The following BANK1 variants were observed in gnomAD, a reference collection of about 807,000 sequenced individuals.
BANK1 encodes B cell scaffold protein with ankyrin repeats 1, also known as B-cell scaffold protein with ankyrin repeats.
A neutral mutation model predicts 94.5 loss-of-function variants in BANK1; 95 were observed. The ratio of observed to expected loss-of-function variants is 1.00; its 90% CI spans 0.85 to 1.19. The LOEUF (loss-of-function observed/expected upper bound fraction) is 1.19. Among genes scored for constraint, BANK1 ranks in the 50% most tolerant of loss-of-function variants. The pLI is 0.00. For missense variants in BANK1, 987 were observed against 932.2 expected, an observed-to-expected ratio of 1.06 and a Z score of -0.77; for synonymous variants, 334 against 308.4, an observed-to-expected ratio of 1.08 and a Z score of -0.87.
intron 7 of BANK1, among the ~76,000 whole-genome samples, chr4:101,920,654 G>A (rs933631226): frequency 5.3e-5 from 8 of 151,880 alleles, no homozygotes; most frequent in Non-Finnish European, 1.0e-4. Context: ...CACTTCTACT[G>A]AAGAAATATC....
intron 2 of BANK1, among the ~76,000 whole-genome samples, chr4:101,850,341 G>T (rs1050013721): frequency 6.6e-6 from 1 of 152,030 alleles, no homozygotes; most frequent in Non-Finnish European, 1.5e-5. Flanking sequence ...GTGTGATCTA[G>T]GCTCACTGCA....
intron 7 of BANK1, among the ~76,000 whole-genome samples, chr4:101,983,624 T>C (rs1725389860): frequency 6.6e-6 from 1 of 152,056 alleles, no homozygotes; most frequent in African/African-American, 2.4e-5. Context: ...TGTAGCATAG[T>C]ATTCACAGAT....
intron 11 of BANK1, among the ~76,000 whole-genome samples, chr4:102,054,153 T>A (rs1259747146): frequency 6.8e-6 from 1 of 147,702 alleles, no homozygotes; most frequent in East Asian, 2.0e-4. Context: ...TTATGAGATA[T>A]TATTTTCCTT....
At chr4:101,948,415 T>C (rs986013978) in intron 7 of BANK1, among the ~76,000 whole-genome samples, 8 of 152,150 alleles carry the variant, frequency 5.3e-5, no homozygotes, top group African/African-American at 1.2e-4. Flanking sequence ...AATTTCCTAA[T>C]TGACACTCAG....
chr4:101,856,821 A>G (rs929619864), intron 3 of BANK1, among the ~76,000 whole-genome samples: 1 of 152,178 alleles, frequency 6.6e-6, no homozygotes, highest in Non-Finnish European at 1.5e-5. Flanking sequence ...AATTTCTTTT[A>G]GGTACCCCAC....
chr4:102,066,569 A>G (rs1004550087), intron 13 of BANK1, among the ~76,000 whole-genome samples: 5 of 152,200 alleles, frequency 3.3e-5, no homozygotes, highest in African/African-American at 1.2e-4. Flanking sequence ...TAACATCTTT[A>G]AAGTCCTAAA....
At chr4:102,039,119 C>T (rs907545091) in intron 10 of BANK1, among the ~76,000 whole-genome samples, 2 of 152,146 alleles carry the variant, frequency 1.3e-5, no homozygotes, top group African/African-American at 2.4e-5. Context: ...AATGCCACAA[C>T]TCCACCTACA....
intron 5 of BANK1, among the ~76,000 whole-genome samples, chr4:101,890,465 T>C (rs1267032859): frequency 6.6e-6 from 1 of 151,594 alleles, no homozygotes; most frequent in Non-Finnish European, 1.5e-5. Flanking sequence ...TTTATTGATA[T>C]TAATATAGCC....
chr4:101,843,333 T>C (rs1727129323), intron 2 of BANK1, among the ~76,000 whole-genome samples: 1 of 152,190 alleles, frequency 6.6e-6, no homozygotes, highest in African/African-American at 2.4e-5. Context: ...TGGTGCCCCA[T>C]AGTGCCTTCT....
intron 9 of BANK1, among the ~76,000 whole-genome samples, chr4:102,029,302 G>A (rs1196204610): frequency 6.6e-6 from 1 of 151,910 alleles, no homozygotes; most frequent in Admixed American, 6.6e-5. Context: ...AACTAATGGT[G>A]CCTTTGGCTA....
At chr4:101,895,758 T>G (rs1050223164) in intron 6 of BANK1, among the ~76,000 whole-genome samples, 3 of 151,892 alleles carry the variant, frequency 2.0e-5, no homozygotes, top group Non-Finnish European at 2.9e-5. Context: ...CAAAGATAAG[T>G]AATTGATTAT....
intron 5 of BANK1, among the ~76,000 whole-genome samples, chr4:101,890,630 AATT>A (rs1336141000): frequency 2.7e-5 from 4 of 148,924 alleles, no homozygotes; most frequent in Non-Finnish European, 5.9e-5. Context: ...TAAATTTTAT[AATT>A]ATTATTATAA....
At chr4:102,026,822 CAAAAAA>C (rs74429394) in intron 9 of BANK1, among the ~76,000 whole-genome samples, 1 of 59,768 alleles carries the variant, frequency 1.7e-5, no homozygotes, top group African/African-American at 5.8e-5. Context: ...GACTCCATCT[CAAAAAA>C]AAAAAAAAAA....
At chr4:101,877,262 A>G (rs1728525497) in intron 5 of BANK1, among the ~76,000 whole-genome samples, 1 of 152,122 alleles carries the variant, frequency 6.6e-6, no homozygotes, top group Non-Finnish European at 1.5e-5. Context: ...TAATTCACAA[A>G]CTCCCTAAGG....
At position 101,790,963 on chromosome 4, in the gene BANK1, G is replaced by T; in HGVS notation, c.70+13G>T. On this transcript the variant is annotated intron_variant, in intron 1 of 16. Transcript: ENST00000322953. ...CCAGCGCCCCCAGGTGGGTAGTCGCGCATTCGGAGGGGCTTGACGCCGAGG... is the reference window on the plus strand; with the variant it reads ...CCAGCGCCCCCAGGTGGGTAGTCGCTCATTCGGAGGGGCTTGACGCCGAGG... 1 of 1,494,596 alleles carries T rather than the reference G, an allele frequency of 6.7e-7. No individual in the cohort carries two copies. The highest frequency in any genetic ancestry group is 8.9e-7 in the Non-Finnish European group (1 of 1,128,182). The allele number at this position is 1,494,596 out of a possible 1,614,324, so 92.6% of individuals were successfully genotyped here.
intron 7 of BANK1, among the ~76,000 whole-genome samples, chr4:101,927,928 C>T (rs1723217268): frequency 6.6e-6 from 1 of 151,566 alleles, no homozygotes; most frequent in African/African-American, 2.4e-5. Flanking sequence ...AATCTATTGA[C>T]CTGGATGCCA....
intron 7 of BANK1, among the ~76,000 whole-genome samples, chr4:101,950,435 A>G (rs1169393392): frequency 6.6e-6 from 1 of 152,152 alleles, no homozygotes; most frequent in African/African-American, 2.4e-5. Flanking sequence ...AATGAATAAA[A>G]TTCTTGAGAA....
chr4:101,870,569 A>C lies in BANK1; in HGVS notation c.828A>C (p.Lys276Asn), dbSNP rs771756981. 11 of 1,612,976 alleles carry C rather than the reference A, an allele frequency of 6.8e-6. No homozygotes were observed. The East Asian group carries it at 1.3e-4, about 20-fold the overall frequency. Residue 276 changes from lysine to asparagine, a missense_variant, in exon 5 of 17, where the codon AAA (lysine) becomes AAC (asparagine). By Grantham distance (94) the Lys-to-Asn change is moderately conservative. Transcript: ENST00000322953. The stretch of plus-strand genomic sequence containing the variant: ...ATGGAATCGTTAAAGCTACAACCAA[A>C]ATTAAGTACTACCCAACAGCAAAGG... The part of the protein sequence containing the change: ...YCDGIVKATT[K>N]IKYYPTAKAK...
At chr4:101,828,872 T>C (rs1726488821) in intron 1 of BANK1, among the ~76,000 whole-genome samples, 2 of 150,642 alleles carry the variant, frequency 1.3e-5, no homozygotes, top group Admixed American at 1.3e-4. Flanking sequence ...TTTCTCTTCT[T>C]TTTTTTTTGA....
Sources: allele counts gnomAD v4.1 joint callset (sites outside exome capture counted in the v4.1 genomes callset), GRCh38; gene constraint gnomAD v4.1.1; transcripts MANE v1.5; gene names NCBI Gene and HGNC (gene_info 2026-07-23, HGNC 2026-07-21).